The following VAC14 variants were observed in gnomAD, a reference collection of about 807,000 sequenced individuals.
VAC14 encodes the protein protein VAC14 homolog.
Under a neutral mutation model 85.3 loss-of-function variants are expected in VAC14, and 47 were observed. The ratio of observed to expected loss-of-function variants is 0.55; its 90% CI spans 0.44 to 0.70. The LOEUF is 0.70. Among genes scored for constraint, VAC14 ranks in the 30% least tolerant of loss-of-function variants. The pLI is 0.00. For synonymous variants in VAC14, 447 were observed against 430.5 expected (o/e 1.04, Z -0.47); for missense variants, 861 against 1,004.3 (o/e 0.86, Z 1.93).
rs532336829 is a variant in VAC14 at position 70,746,470 on chromosome 16, G to A, written c.1372-1891C>T. On this transcript the variant is annotated intron_variant, in intron 12 of 18. Transcript: ENST00000261776. The stretch of plus-strand genomic sequence containing the variant: ...AGGTGAGTCACAGCCACCCCTGCCC[G>A]TGGCCTGGCACACAGAGTGGAGAGC... Among the ~76,000 whole-genome samples the A allele has an allele frequency of 2.6e-3, 391 of 152,292 alleles. 4 individuals carry two copies. Among genetic ancestry groups the A allele is most frequent in the Non-Finnish European group, 1.1e-3 (72 of 68,024 alleles).
At chr16:70,690,510 C>T in intron 18 of VAC14, 1 of 985,674 alleles carries the variant, frequency 1.0e-6, no homozygotes, top group East Asian at 1.1e-4. Flanking sequence ...TTCCCTCCTG[C>T]CTTACTGAGG....
At chr16:70,737,589 G>A (rs1228944834) in intron 13 of VAC14, among the ~76,000 whole-genome samples, 3 of 152,176 alleles carry the variant, frequency 2.0e-5, no homozygotes, top group Non-Finnish European at 2.9e-5. Context: ...GGAAGTGCAC[G>A]TGACCGGCGG....
chr16:70,775,780 A>G (rs114306289), intron 9 of VAC14, among the ~76,000 whole-genome samples: 1 of 151,894 alleles, frequency 6.6e-6, no homozygotes, highest in African/African-American at 2.4e-5. Context: ...TTTATAGATG[A>G]AATAATGTGG....
intron 10 of VAC14, chr16:70,768,476 G>A (rs2032978298): frequency 4.3e-6 from 1 of 234,422 alleles, no homozygotes; most frequent in African/African-American, 2.4e-5. Context: ...TCTCCCTGGG[G>A]AGTCCAATTT....
At position 70,700,796 on chromosome 16, in the gene VAC14, G is replaced by A. The variant is rs147637769; in HGVS notation, c.1662-1985C>T. Among the ~76,000 whole-genome samples, 292 of 152,296 alleles carry A rather than the reference G, an allele frequency of 1.9e-3. 1 individual carries two copies. The highest frequency in any genetic ancestry group is 6.6e-3 in the African/African-American group (274 of 41,558). On this transcript the variant is annotated intron_variant, in intron 14 of 18. Coordinates refer to ENST00000261776, the MANE Select transcript of VAC14 (RefSeq NM_018052.5). ...GGGCAGGCACAGGAGGAAGGGGGGC[G>A]TTCTGACAAATGGTCACAAGTGCCC...
At chr16:70,799,922 T>C (rs1244284418) in intron 1 of VAC14, among the ~76,000 whole-genome samples, 1 of 152,244 alleles carries the variant, frequency 6.6e-6, no homozygotes, top group African/African-American at 2.4e-5. Context: ...TAATCTTTAA[T>C]AATTTAAATT....
intron 7 of VAC14, among the ~76,000 whole-genome samples, 159 bp downstream of exon 7, chr16:70,782,874 T>G (rs1039097763): frequency 6.6e-6 from 1 of 152,126 alleles, no homozygotes; most frequent in Non-Finnish European, 1.5e-5. Flanking sequence ...GACCCAGCAC[T>G]CCACCTCTCC....
intron 14 of VAC14, chr16:70,714,070 C>T (rs954940814): frequency 3.3e-5 from 5 of 152,232 alleles, no homozygotes; most frequent in Non-Finnish European, 7.3e-5. Context: ...GCTCCAGCGC[C>T]CCTCTCCTGT....
intron 5 of VAC14, 35 bp downstream of exon 5, chr16:70,784,078 G>A (rs1327076716): frequency 6.3e-7 from 1 of 1,583,266 alleles, no homozygotes. Context: ...TTTCCAAACT[G>A]GAGGCTGGAG....
At chr16:70,720,096 A>C (rs1174376369) in intron 14 of VAC14, among the ~76,000 whole-genome samples, 1 of 152,208 alleles carries the variant, frequency 6.6e-6, no homozygotes, top group Non-Finnish European at 1.5e-5. Flanking sequence ...AAAGAGCACC[A>C]GCTGTACGGT....
chr16:70,709,338 C>T (rs572395533), intron 14 of VAC14, among the ~76,000 whole-genome samples: 17 of 152,256 alleles, frequency 1.1e-4, no homozygotes, highest in East Asian at 3.9e-4. Context: ...CACACTTTTC[C>T]GGGAAGACAG....
intron 9 of VAC14, among the ~76,000 whole-genome samples, chr16:70,775,643 T>C (rs2033478976): frequency 6.6e-6 from 1 of 152,186 alleles, no homozygotes; most frequent in Non-Finnish European, 1.5e-5. Context: ...CCAGGCAGCC[T>C]GGTGTCTGTC....
rs768468189 is a variant in VAC14, at chr16:70,784,165, C to T, written c.542G>A (p.Arg181Gln). The stretch of plus-strand genomic sequence containing the variant: ...CTGGTTGTTGGAGTAAATCCTCTCT[C>T]GCAACAAGGGGATGAAGCTCACCAG... ...FDLVSFIPLL[R>Q]ERIYSNNQYA... The change falls in exon 5 of 19, where the codon CGA becomes CAA. Residue 181 changes from arginine to glutamine, a missense_variant. This residue lies in a region of VAC14 where 629 missense variants were observed against 703.1 expected (regional missense o/e 0.89). Coordinates refer to ENST00000261776, the MANE Select transcript of VAC14 (RefSeq NM_018052.5). 26 of 1,614,150 alleles carry T rather than the reference C, an allele frequency of 1.6e-5. No individual in the cohort carries two copies. The highest frequency in any genetic ancestry group is 1.6e-4 in the Middle Eastern group (1 of 6,062).
At chr16:70,729,194 C>G (rs1021611361) in intron 14 of VAC14, among the ~76,000 whole-genome samples, 2 of 152,208 alleles carry the variant, frequency 1.3e-5, no homozygotes, top group African/African-American at 4.8e-5. Context: ...TGCTGACATC[C>G]TACAGGGCGC....
At chr16:70,794,868 G>A (rs1226726021) in intron 1 of VAC14, among the ~76,000 whole-genome samples, 1 of 152,220 alleles carries the variant, frequency 6.6e-6, no homozygotes, top group Non-Finnish European at 1.5e-5. Flanking sequence ...AATAAATACA[G>A]TTATGTGCCA....
In VAC14 at chr16:70,782,018, A is replaced by G. The variant is rs990015158; in HGVS notation, c.812-15T>C. 1 of 1,612,298 alleles carries G rather than the reference A, an allele frequency of 6.2e-7. No homozygotes were observed. The highest frequency in any genetic ancestry group is 1.3e-5 in the African/African-American group (1 of 74,918). On this transcript the variant is annotated splice_polypyrimidine_tract_variant and intron_variant, in intron 7 of 18. Coordinates refer to ENST00000261776, the MANE Select transcript of VAC14 (RefSeq NM_018052.5). ...GATGAGGTCATCTGGAAGGGGAATC[A>G]GGGGGTTCAGAGGGGCCAGCACACG...
chr16:70,746,308 C>A (rs2030885384), intron 12 of VAC14, among the ~76,000 whole-genome samples: 1 of 152,202 alleles, frequency 6.6e-6, no homozygotes, highest in African/African-American at 2.4e-5. Context: ...CACACAGACT[C>A]ACTCTCACAG....
At chr16:70,692,775 G>C in intron 18 of VAC14, 46 bp downstream of exon 18, 4 of 1,571,390 alleles carry the variant, frequency 2.5e-6, no homozygotes, top group Non-Finnish European at 3.4e-6. Context: ...CTCTGGGCCT[G>C]TCCCTGCTCA....
chr16:70,712,453 C>T lies in VAC14; in HGVS notation c.1662-13642G>A, dbSNP rs546809621. On this transcript the variant is annotated intron_variant, in intron 14 of 18. Coordinates refer to ENST00000261776, the MANE Select transcript of VAC14 (RefSeq NM_018052.5). ...TTTAATACTGGGATATGGCAGCCTC[C>T]GTGGGGAGGGACAGTGACCCTGAGC... 2.4e-3 allele frequency among the ~76,000 whole-genome samples: 366 copies of T among 152,132 alleles called. 2 individuals carry two copies. The highest frequency in any genetic ancestry group is 3.8e-3 in the Non-Finnish European group (261 of 67,998).
Sources: allele counts gnomAD v4.1 joint callset (sites outside exome capture counted in the v4.1 genomes callset), GRCh38; gene constraint gnomAD v4.1.1; regional missense constraint gnomAD v4.1.1; transcripts MANE v1.5; gene names NCBI Gene and HGNC (gene_info 2026-07-23, HGNC 2026-07-21).